Variants in TENM4 observed in about 807,000 individuals in gnomAD.
TENM4 encodes the protein teneurin transmembrane protein 4.
TENM4 carries 82 observed loss-of-function variants against 243.3 expected under a neutral mutation model. The observed-to-expected ratio is 0.34, with a 90% CI of 0.28 to 0.40. The LOEUF is 0.40. TENM4 is among the 10% of genes least tolerant of loss of function. The pLI, the probability that TENM4 is intolerant of heterozygous loss-of-function variation, is 1.00. For missense variants in TENM4, 3,138 were observed against 3,673.3 expected (o/e 0.85, Z 3.77); for synonymous variants, 1,412 against 1,456.3 (o/e 0.97, Z 0.69).
At chr11:78,659,017 C>T (rs1857970480) in intron 33 of TENM4, among the ~76,000 whole-genome samples, 1 of 152,198 alleles carries the variant, frequency 6.6e-6, no homozygotes. Context: ...TCCATCCACC[C>T]ACCCTTCCAT....
chr11:79,350,039 C>T (rs1272263405), intron 1 of TENM4, among the ~76,000 whole-genome samples: 1 of 152,188 alleles, frequency 6.6e-6, no homozygotes, highest in Non-Finnish European at 1.5e-5. Flanking sequence ...GGCCCATGGG[C>T]TGGGCACTGG....
intron 32 of TENM4, among the ~76,000 whole-genome samples, chr11:78,665,666 C>A (rs112729335): frequency 7.9e-5 from 12 of 152,346 alleles, no homozygotes; most frequent in Non-Finnish European, 1.6e-4. Context: ...TCTAATCCAG[C>A]CTTGCCACTT....
intron 18 of TENM4, among the ~76,000 whole-genome samples, chr11:78,766,137 C>T (rs1050359003): frequency 2.6e-5 from 4 of 152,164 alleles, no homozygotes; most frequent in African/African-American, 7.2e-5. Context: ...AAGTTAAGTA[C>T]ATCACTCAAG....
At chr11:79,185,241 T>A (rs925575122) in intron 3 of TENM4, among the ~76,000 whole-genome samples, 1 of 152,100 alleles carries the variant, frequency 6.6e-6, no homozygotes, top group African/African-American at 2.4e-5. Context: ...GAGGCTGCAG[T>A]GAGCTGAGAT....
chr11:79,098,005 C>A (rs529200111), intron 4 of TENM4: 1 of 152,148 alleles, frequency 6.6e-6, no homozygotes, highest in African/African-American at 2.4e-5. Flanking sequence ...ATTAAACTTG[C>A]AGCATAAAGG....
intron 18 of TENM4, among the ~76,000 whole-genome samples, chr11:78,763,990 G>A (rs1856487839): frequency 7.7e-6 from 1 of 130,066 alleles, no homozygotes; most frequent in Non-Finnish European, 1.6e-5. Context: ...TGACCTTAAT[G>A]GTGGCCAGTG....
At chr11:78,659,627 CTG>C (rs1231314265) in intron 33 of TENM4, among the ~76,000 whole-genome samples, 1 of 152,228 alleles carries the variant, frequency 6.6e-6, no homozygotes, top group Non-Finnish European at 1.5e-5. Context: ...GAGGCAGTGA[CTG>C]TTATTAACCC....
intron 3 of TENM4, among the ~76,000 whole-genome samples, chr11:79,174,961 G>A (rs1565235907): frequency 6.6e-6 from 1 of 152,100 alleles, no homozygotes; most frequent in Non-Finnish European, 1.5e-5. Flanking sequence ...CAATGCCACT[G>A]TTTCTTGCCA....
chr11:79,296,332 C>T (rs1030173100), intron 2 of TENM4, among the ~76,000 whole-genome samples: 23 of 152,142 alleles, frequency 1.5e-4, no homozygotes, highest in Non-Finnish European at 2.8e-4. Flanking sequence ...GGCCGGGGGG[C>T]TGTGTCACTC....
At chr11:79,168,639 C>A (rs1163988355) in intron 3 of TENM4, among the ~76,000 whole-genome samples, 1 of 152,138 alleles carries the variant, frequency 6.6e-6, no homozygotes, top group African/African-American at 2.4e-5. Context: ...GCTCTTTGTG[C>A]TTGCAGTAGA....
At chr11:79,057,043 C>T (rs1308147905) in intron 6 of TENM4, among the ~76,000 whole-genome samples, 2 of 152,212 alleles carry the variant, frequency 1.3e-5, no homozygotes, top group South Asian at 4.1e-4. Context: ...CTCACTGCCA[C>T]ACCTCAGTGA....
chr11:79,313,460 C>G (rs1269681851), intron 1 of TENM4, among the ~76,000 whole-genome samples: 1 of 152,196 alleles, frequency 6.6e-6, no homozygotes, highest in Non-Finnish European at 1.5e-5. Context: ...CCAATGTTTG[C>G]TGGTAATGGA....
At chr11:79,226,781 GA>G (rs1864275082) in intron 2 of TENM4, among the ~76,000 whole-genome samples, 1 of 152,114 alleles carries the variant, frequency 6.6e-6, no homozygotes, top group African/African-American at 2.4e-5. Context: ...TTCTATTCAG[GA>G]GACCTTATAA....
intron 7 of TENM4, among the ~76,000 whole-genome samples, chr11:78,892,195 C>G (rs1855684238): frequency 6.6e-6 from 1 of 152,194 alleles, no homozygotes; most frequent in Admixed American, 6.5e-5. Context: ...GACATACTTG[C>G]CCTTTTTGGT....
chr11:79,346,911 C>T (rs1376791390), intron 1 of TENM4, among the ~76,000 whole-genome samples: 1 of 152,188 alleles, frequency 6.6e-6, no homozygotes, highest in Non-Finnish European at 1.5e-5. Context: ...TCTCTGCTTT[C>T]TCTTAGGTCC....
At chr11:78,843,392 T>A (rs1858307626) in intron 12 of TENM4, among the ~76,000 whole-genome samples, 1 of 151,650 alleles carries the variant, frequency 6.6e-6, no homozygotes, top group Admixed American at 6.6e-5. Context: ...GTGGCTGAGG[T>A]AGAAGGATTG....
intron 4 of TENM4, among the ~76,000 whole-genome samples, chr11:79,143,657 C>A (rs1862338534): frequency 6.6e-6 from 1 of 150,968 alleles, no homozygotes; most frequent in Admixed American, 6.6e-5. Flanking sequence ...GCACATGTAT[C>A]CTAGAACTTA....
At chr11:79,414,887 T>A (rs1858779938) in intron 1 of TENM4, among the ~76,000 whole-genome samples, 1 of 152,204 alleles carries the variant, frequency 6.6e-6, no homozygotes, top group South Asian at 2.1e-4. Context: ...ACCTCATTCA[T>A]TCAGAATCCA....
intron 6 of TENM4, among the ~76,000 whole-genome samples, chr11:79,033,302 T>A (rs960692054): frequency 2.0e-5 from 3 of 152,100 alleles, no homozygotes; most frequent in African/African-American, 7.2e-5. Context: ...GGAGGTCAAG[T>A]TCCTAGGGGA....
Sources: allele counts gnomAD v4.1 joint callset (sites outside exome capture counted in the v4.1 genomes callset), GRCh38; gene constraint gnomAD v4.1.1; transcripts MANE v1.5; gene names NCBI Gene and HGNC (gene_info 2026-07-23, HGNC 2026-07-21).